Variants in CYFIP1 observed in about 807,000 individuals in gnomAD.
CYFIP1 encodes cytoplasmic FMR1-interacting protein 1.
A neutral mutation model predicts 163.5 loss-of-function variants in CYFIP1; 58 were observed. The ratio of observed to expected loss-of-function variants is 0.35; its 90% CI spans 0.29 to 0.44. The LOEUF (loss-of-function observed/expected upper bound fraction) is 0.44, where lower values mean the gene tolerates loss of function less well. Among genes scored for constraint, CYFIP1 ranks in the 20% least tolerant of loss-of-function variants. The pLI is 1.00. For missense variants in CYFIP1, 1,338 were observed against 1,653.8 expected (o/e 0.81, Z 3.31); for synonymous variants, 663 against 660.7 (o/e 1.00, Z -0.05).
chr15:22,880,179 T>A, intron 25 of CYFIP1, 136 bp from the exon 26 acceptor site: 2 of 1,180,372 alleles, frequency 1.7e-6, no homozygotes, highest in South Asian at 1.3e-5. Context: ...CAACGTCCCA[T>A]CCCCAGCATC....
At chr15:22,955,595 G>C (rs56325056) in intron 1 of CYFIP1, among the ~76,000 whole-genome samples, 24,057 of 152,212 alleles carry the variant, frequency 0.16, 2,377 homozygotes, top group East Asian at 0.41. Flanking sequence ...GGAGAAAGTT[G>C]GAGACAGCAG....
intron 22 of CYFIP1, among the ~76,000 whole-genome samples, chr15:22,895,167 A>G (rs892408281): frequency 2.0e-5 from 3 of 152,072 alleles, no homozygotes; most frequent in Admixed American, 6.5e-5. Context: ...GGCGCCCGCC[A>G]CCAAGCCCAG....
At chr15:22,972,263 C>T (rs925725283) in intron 1 of CYFIP1, among the ~76,000 whole-genome samples, 1 of 152,076 alleles carries the variant, frequency 6.6e-6, no homozygotes, top group African/African-American at 2.4e-5. Context: ...TGGTGAAACA[C>T]CGTCTCTGCT....
At position 22,867,916 on chromosome 15, in the gene CYFIP1, C is replaced by T. The variant is rs1268532210; in HGVS notation, c.*2112G>A. 1 of 152,194 alleles carries T rather than the reference C, an allele frequency of 6.6e-6. No individual in the cohort carries two copies. Among genetic ancestry groups the T allele is most frequent in the East Asian group, 1.9e-4 (1 of 5,200 alleles). The allele number at this position is 152,194 out of a possible 1,614,324, so 9.4% of individuals were successfully genotyped here. On this transcript the variant is annotated 3_prime_UTR_variant, in exon 31 of 31. Transcript: ENST00000617928. ...GAAAAGGTAGAATAATAAAAAAGGT[C>T]TAATGAACTCCATTCAGCTTTGAAC...
At chr15:22,919,939 T>C (rs965675084) in intron 13 of CYFIP1, among the ~76,000 whole-genome samples, 1 of 151,888 alleles carries the variant, frequency 6.6e-6, no homozygotes, top group African/African-American at 2.4e-5. Flanking sequence ...GGAGGATCAC[T>C]TGAGCCTAGG....
intron 6 of CYFIP1, among the ~76,000 whole-genome samples, chr15:22,941,237 G>C (rs1666678567): frequency 6.6e-6 from 1 of 151,298 alleles, no homozygotes; most frequent in Non-Finnish European, 1.5e-5. Context: ...TTTTGCTCTT[G>C]TTTTTTTAGA....
At chr15:22,916,353 C>T (rs1280098423) in intron 16 of CYFIP1, 124 bp downstream of exon 16, 35 of 725,038 alleles carry the variant, frequency 4.8e-5, no homozygotes, top group East Asian at 1.0e-4. Context: ...GAGGGCAGGA[C>T]GAGTCACCGT....
chr15:22,958,278 G>A (rs1453334620), intron 1 of CYFIP1, among the ~76,000 whole-genome samples: 1 of 152,018 alleles, frequency 6.6e-6, no homozygotes, highest in Non-Finnish European at 1.5e-5. Context: ...TAGAGACGGG[G>A]TTTCACCATG....
At chr15:22,962,092 G>A (rs1365847621) in intron 1 of CYFIP1, among the ~76,000 whole-genome samples, 1 of 152,152 alleles carries the variant, frequency 6.6e-6, no homozygotes, top group African/African-American at 2.4e-5. Context: ...TGTCAAGGCA[G>A]CACTACTATA....
chr15:22,886,348 C>T (rs904332239), intron 23 of CYFIP1, among the ~76,000 whole-genome samples: 7 of 152,168 alleles, frequency 4.6e-5, no homozygotes, highest in Non-Finnish European at 8.8e-5. Context: ...TAGCAGGAGA[C>T]CCCTACTGTG....
At chr15:22,923,942 C>CAAAAAAAAAA (rs916058496) in intron 13 of CYFIP1, among the ~76,000 whole-genome samples, 6 of 61,796 alleles carry the variant, frequency 9.7e-5, no homozygotes, top group East Asian at 4.7e-4. Context: ...ACCTTGTCTC[C>CAAAAAAAAAA]AAAAAAAAAA....
At chr15:22,911,567 T>C (rs1230997308) in intron 18 of CYFIP1, among the ~76,000 whole-genome samples, 1 of 152,170 alleles carries the variant, frequency 6.6e-6, no homozygotes, top group Non-Finnish European at 1.5e-5. Context: ...CTCCTGGAAC[T>C]GTGAGGAGAA....
intron 6 of CYFIP1, among the ~76,000 whole-genome samples, chr15:22,941,707 G>A (rs1020937494): frequency 6.6e-6 from 1 of 151,998 alleles, no homozygotes; most frequent in African/African-American, 2.4e-5. Flanking sequence ...TGGTGAAGAC[G>A]CTAGAGGGGA....
intron 23 of CYFIP1, among the ~76,000 whole-genome samples, chr15:22,891,349 C>T (rs1003400655): frequency 6.6e-6 from 1 of 152,148 alleles, no homozygotes; most frequent in African/African-American, 2.4e-5. Flanking sequence ...CACTTGAACC[C>T]AGGAGGCGGA....
At chr15:22,972,589 A>G (rs1202242192) in intron 1 of CYFIP1, among the ~76,000 whole-genome samples, 5 of 152,232 alleles carry the variant, frequency 3.3e-5, no homozygotes, top group African/African-American at 4.8e-5. Context: ...CAAAGGTGCC[A>G]AGAACACACA....
chr15:22,954,824 A>G (rs561032845), intron 1 of CYFIP1, among the ~76,000 whole-genome samples: 1 of 152,218 alleles, frequency 6.6e-6, no homozygotes, highest in Non-Finnish European at 1.5e-5. Flanking sequence ...AAAAATAAAG[A>G]TTTCAAAGGA....
In CYFIP1 at chr15:22,944,982, T is replaced by C. The variant is rs770401353; in HGVS notation, c.208-43A>G. ...GCAAATCAAAGGCAGGCGGGGGAAC[T>C]AGCATGAAAAGCAGATGCCAGTTGC... On this transcript the variant is annotated intron_variant, in intron 3 of 30. Coordinates refer to ENST00000617928, the MANE Select transcript of CYFIP1 (RefSeq NM_014608.6). 4 of 1,566,186 alleles carry C rather than the reference T, an allele frequency of 2.6e-6. No homozygotes were observed. In the South Asian group the frequency reaches 4.4e-5, roughly 17 times the overall value.
At chr15:22,952,065 G>C (rs2062268152) in intron 1 of CYFIP1, among the ~76,000 whole-genome samples, 2 of 152,150 alleles carry the variant, frequency 1.3e-5, no homozygotes, top group Non-Finnish European at 2.9e-5. Flanking sequence ...TTAAAAGAAA[G>C]GAAATTCTGA....
intron 1 of CYFIP1, chr15:22,951,670 G>A: frequency 2.7e-6 from 2 of 738,124 alleles, no homozygotes; most frequent in Non-Finnish European, 3.9e-6. Flanking sequence ...GTCGGACCGA[G>A]CACCCTGGGA....
Sources: gnomAD v4.1 joint callset for allele counts (sites outside exome capture counted in the v4.1 genomes callset) on GRCh38, gnomAD v4.1.1 for gene constraint, MANE v1.5 for transcripts, NCBI Gene and HGNC (gene_info 2026-07-23, HGNC 2026-07-21) for gene names.